Variants in GALNT7 observed in about 807,000 individuals in gnomAD.
GALNT7 encodes the protein N-acetylgalactosaminyltransferase 7.
In GALNT7, 60 loss-of-function variants were observed where a neutral mutation model predicts 82.1. The ratio of observed to expected loss-of-function variants is 0.73; its 90% CI spans 0.59 to 0.91. The LOEUF is 0.91. Ranked by LOEUF, GALNT7 falls within the 40% of genes least tolerant of loss-of-function variation. The pLI, the probability that GALNT7 is intolerant of heterozygous loss-of-function variation, is 0.00. For missense variants in GALNT7, 660 were observed against 804.2 expected (o/e 0.82, Z 2.17); for synonymous variants, 243 against 275.1 (o/e 0.88, Z 1.15).
chr4:173,193,868 TA>T (rs759907120), intron 1 of GALNT7, among the ~76,000 whole-genome samples: 1 of 152,190 alleles, frequency 6.6e-6, no homozygotes, highest in Non-Finnish European at 1.5e-5. Context: ...GAGTGGCTTA[TA>T]AAATAGATGA....
At chr4:173,225,363 C>G (rs1733791431) in intron 1 of GALNT7, among the ~76,000 whole-genome samples, 1 of 152,132 alleles carries the variant, frequency 6.6e-6, no homozygotes, top group African/African-American at 2.4e-5. Context: ...AAAGAAAAAT[C>G]AAGAATTTGC....
chr4:173,232,878 A>T (rs886146933), intron 1 of GALNT7, among the ~76,000 whole-genome samples: 1 of 152,156 alleles, frequency 6.6e-6, no homozygotes, highest in Non-Finnish European at 1.5e-5. Flanking sequence ...TGTACCCATT[A>T]ACCAATCTCT....
intron 1 of GALNT7, among the ~76,000 whole-genome samples, chr4:173,223,998 A>G (rs1733721139): frequency 1.3e-5 from 2 of 151,782 alleles, no homozygotes; most frequent in African/African-American, 4.9e-5. Flanking sequence ...GGTGGTAAGT[A>G]GCAGATCTCT....
intron 1 of GALNT7, among the ~76,000 whole-genome samples, chr4:173,191,098 A>G (rs1478402927): frequency 1.3e-5 from 2 of 152,158 alleles, no homozygotes; most frequent in African/African-American, 4.8e-5. Context: ...GGAAACACAC[A>G]GATAGTGATT....
intron 1 of GALNT7, chr4:173,169,624 G>A (rs1269817956): frequency 6.6e-6 from 1 of 151,538 alleles, no homozygotes; most frequent in Non-Finnish European, 1.5e-5. Flanking sequence ...ATGCGCGGCC[G>A]AGGCCTCGCC....
At chr4:173,281,316 C>A (rs572778162) in intron 2 of GALNT7, among the ~76,000 whole-genome samples, 75 of 152,298 alleles carry the variant, frequency 4.9e-4, no homozygotes, top group African/African-American at 1.6e-3. Context: ...TTGGGACCAA[C>A]GGTCCTTTCC....
intron 2 of GALNT7, among the ~76,000 whole-genome samples, chr4:173,274,664 ATGTATTAAAG>A (rs1735837946): frequency 6.6e-6 from 1 of 152,190 alleles, no homozygotes; most frequent in Non-Finnish European, 1.5e-5. Context: ...ATGAGATAAC[ATGTATTAAAG>A]TGCTTTGAAA....
chr4:173,281,519 A>C (rs984744003), intron 2 of GALNT7, among the ~76,000 whole-genome samples: 1 of 151,922 alleles, frequency 6.6e-6, no homozygotes, highest in South Asian at 2.1e-4. Flanking sequence ...GCTACCATCC[A>C]TGTTCCCCAC....
Position 173,191,707 on chromosome 4 carries a change from T to A in GALNT7, c.126+22746T>A, listed in dbSNP as rs565914258. Among the ~76,000 whole-genome samples the A allele has an allele frequency of 2.6e-5, 4 of 152,306 alleles. No individual in the cohort carries two copies. In the South Asian group the frequency reaches 6.2e-4, roughly 24 times the overall value. Reference sequence around the variant, plus strand: ...TGTCTTGCACATATACCAAAGTCACTTTTACGTGAGAAAGCATGCTTTCTA... The same window carrying A: ...TGTCTTGCACATATACCAAAGTCACATTTACGTGAGAAAGCATGCTTTCTA... On this transcript the variant is annotated intron_variant, in intron 1 of 11. Coordinates refer to ENST00000265000, the MANE Select transcript of GALNT7 (RefSeq NM_017423.3).
chr4:173,178,057 G>GCGCA (rs771243664), intron 1 of GALNT7, among the ~76,000 whole-genome samples: 4 of 139,946 alleles, frequency 2.9e-5, no homozygotes, highest in African/African-American at 1.2e-4. Flanking sequence ...GTGTGTGCGC[G>GCGCA]CACGCGCGTG....
chr4:173,299,322 T>G (rs1736832524), intron 6 of GALNT7, among the ~76,000 whole-genome samples: 1 of 152,124 alleles, frequency 6.6e-6, no homozygotes, highest in South Asian at 2.1e-4. Flanking sequence ...TTCAGAATAG[T>G]CCAGGAATCA....
chr4:173,286,119 G>C (rs368697341), intron 2 of GALNT7, among the ~76,000 whole-genome samples: 1 of 152,164 alleles, frequency 6.6e-6, no homozygotes, highest in South Asian at 2.1e-4. Flanking sequence ...TCCACTTTGA[G>C]GTAAGCTGAG....
intron 2 of GALNT7, among the ~76,000 whole-genome samples, chr4:173,264,623 CCTT>C (rs1735412038): frequency 6.6e-6 from 1 of 152,208 alleles, no homozygotes; most frequent in African/African-American, 2.4e-5. Flanking sequence ...GTTCTTGGCA[CCTT>C]CTTTAAATCC....
intron 1 of GALNT7, among the ~76,000 whole-genome samples, chr4:173,189,659 C>T (rs1468181126): frequency 1.3e-5 from 2 of 152,156 alleles, no homozygotes; most frequent in African/African-American, 4.8e-5. Flanking sequence ...CCGAAAACAC[C>T]ACCTTTTCTT....
intron 1 of GALNT7, among the ~76,000 whole-genome samples, chr4:173,245,137 G>A (rs1734578582): frequency 2.0e-5 from 3 of 150,818 alleles, no homozygotes; most frequent in South Asian, 2.1e-4. Flanking sequence ...CCTAGAATGA[G>A]GATGGAATGA....
At chr4:173,240,915 G>A (rs1157816288) in intron 1 of GALNT7, among the ~76,000 whole-genome samples, 2 of 152,062 alleles carry the variant, frequency 1.3e-5, no homozygotes, top group Non-Finnish European at 1.5e-5. Flanking sequence ...AGAAACAGGG[G>A]GATGGCTGTG....
At chr4:173,269,493 T>C (rs1735641491) in intron 2 of GALNT7, among the ~76,000 whole-genome samples, 2 of 152,174 alleles carry the variant, frequency 1.3e-5, no homozygotes, top group Non-Finnish European at 2.9e-5. Flanking sequence ...TCTTTTGCAC[T>C]GATTGGAATA....
At chr4:173,198,065 C>T (rs1732829152) in intron 1 of GALNT7, among the ~76,000 whole-genome samples, 1 of 148,522 alleles carries the variant, frequency 6.7e-6, no homozygotes, top group Non-Finnish European at 1.5e-5. Flanking sequence ...TGGATTGTTT[C>T]TTTTTTTTTT....
chr4:173,175,431 G>C (rs1440144668), intron 1 of GALNT7, among the ~76,000 whole-genome samples: 1 of 152,180 alleles, frequency 6.6e-6, no homozygotes, highest in African/African-American at 2.4e-5. Context: ...ATTAATTGTA[G>C]AGCCAGGATT....
Sources: allele counts gnomAD v4.1 joint callset (sites outside exome capture counted in the v4.1 genomes callset), GRCh38; gene constraint gnomAD v4.1.1; transcripts MANE v1.5; gene names NCBI Gene and HGNC (gene_info 2026-07-23, HGNC 2026-07-21).